AP2A1: variants seen among roughly 807,000 people sequenced by gnomAD.
AP2A1 encodes AP-2 complex subunit alpha-1.
AP2A1 carries 21 observed loss-of-function variants against 107.3 expected under a neutral mutation model. The ratio of observed to expected loss-of-function variants is 0.20; its 90% confidence interval spans 0.14 to 0.28. The LOEUF (loss-of-function observed/expected upper bound fraction) is 0.28. Among genes scored for constraint, AP2A1 ranks in the 10% least tolerant of loss-of-function variants. The pLI, the probability that AP2A1 is intolerant of heterozygous loss-of-function variation, is 1.00. For missense variants in AP2A1, 873 were observed against 1,307.7 expected, an observed-to-expected ratio of 0.67 and a Z score of 5.13; for synonymous variants, 602 against 564.8, an observed-to-expected ratio of 1.07 and a Z score of -0.93.
intron 6 of AP2A1, among the ~76,000 whole-genome samples, chr19:49,794,938 C>T (rs1300056901): frequency 6.6e-6 from 1 of 152,262 alleles, no homozygotes; most frequent in African/African-American, 2.4e-5. Context: ...GCTGGGATTA[C>T]AGGCGTGAGC....
intron 4 of AP2A1, 60 bp downstream of exon 4, chr19:49,782,784 T>C (rs2084693443): frequency 6.6e-7 from 1 of 1,504,304 alleles, no homozygotes; most frequent in Non-Finnish European, 8.9e-7. Context: ...CCCAGCCAAG[T>C]GTGAGGCTCA....
In AP2A1 at chr19:49,806,106, C is replaced by G. The variant is rs2073376422; in HGVS notation, c.2656-13C>G. The G allele has an allele frequency of 6.4e-7, 1 of 1,567,938 alleles. No homozygotes were observed. The highest frequency in any genetic ancestry group is 8.7e-7 in the Non-Finnish European group (1 of 1,155,906). On this transcript the variant is annotated splice_polypyrimidine_tract_variant and intron_variant, in intron 21 of 22. Transcript: ENST00000354293. Reference sequence around the variant, plus strand: ...GCTCTGGCACACTCTGACGGCGCCCCCCCTCCTCCCAGCTTCTGGGGTTTG... The same window carrying G: ...GCTCTGGCACACTCTGACGGCGCCCGCCCTCCTCCCAGCTTCTGGGGTTTG...
Position 49,802,094 on chromosome 19 carries a change from G to T in AP2A1, c.2067G>T (p.Pro689=), listed in dbSNP as rs767411878. The change falls in exon 15 of 23, where the codon CCG becomes CCT. Residue 689 remains proline (P), a synonymous_variant. Coordinates refer to ENST00000354293, the MANE Select transcript of AP2A1 (RefSeq NM_130787.3). ...TTCTGGTGGACGTCTTCGATGGCCC[G>T]GCCGCCCAGCCCAGCCTGGGGCCCA... ...GNLLVDVFDG[P]AAQPSLGPTP... The T allele has an allele frequency of 1.9e-5, 30 of 1,590,204 alleles. No homozygotes were observed. Among genetic ancestry groups the T allele is most frequent in the Middle Eastern group, 1.7e-4 (1 of 6,058 alleles).
At chr19:49,793,694 G>T (rs2073174096) in intron 6 of AP2A1, among the ~76,000 whole-genome samples, 1 of 152,076 alleles carries the variant, frequency 6.6e-6, no homozygotes, top group Admixed American at 6.6e-5. Flanking sequence ...CAGAAAAGGG[G>T]TGACTCGTGC....
At chr19:49,779,344 A>T (rs1195738548) in intron 1 of AP2A1, among the ~76,000 whole-genome samples, 1 of 151,174 alleles carries the variant, frequency 6.6e-6, no homozygotes, top group Non-Finnish European at 1.5e-5. Flanking sequence ...CTCAAAAAAA[A>T]AAAAAAAAAA....
rs755574499 is a variant in AP2A1, at chr19:49,801,995, C to T, written c.1968C>T (p.Pro656=). Residue 656 remains proline, a synonymous_variant, in exon 15 of 23, where the codon CCC becomes CCT. Transcript: ENST00000354293. ...GCTTCCTACAGTCGACGCCCTCGCC[C>T]TCCGCCGACCTCCTGGGGCTGCGGG... is the stretch of plus-strand genomic sequence containing the variant. ...PTPSTVSTPS[P]SADLLGLRAA... 2 of 1,525,474 alleles carry T rather than the reference C, an allele frequency of 1.3e-6. No homozygotes were observed. Among genetic ancestry groups the T allele is most frequent in the Non-Finnish European group, 1.8e-6 (2 of 1,141,356 alleles). 94.5% of individuals were successfully genotyped at this position (1,525,474 alleles called of 1,614,324 possible). A position where few individuals can be genotyped will look rare whatever the true frequency, so the allele number is the denominator to read the frequency against.
chr19:49,783,811 C>T (rs963686856), intron 4 of AP2A1, among the ~76,000 whole-genome samples: 3 of 152,170 alleles, frequency 2.0e-5, no homozygotes, highest in Non-Finnish European at 4.4e-5. Flanking sequence ...TGAGAGTGAC[C>T]TAGAAATAAA....
chr19:49,806,641 C>A, intron 22 of AP2A1, 40 bp from the exon 23 acceptor site: 1 of 1,611,306 alleles, frequency 6.2e-7, no homozygotes, highest in South Asian at 1.1e-5. Flanking sequence ...CCCTGGGCTC[C>A]CCATCTCCTC....
intron 18 of AP2A1, chr19:49,804,877 G>A (rs2241040): frequency 2.6e-5 from 4 of 152,018 alleles, no homozygotes; most frequent in African/African-American, 9.7e-5. Flanking sequence ...CGCCACACCC[G>A]GCTGGATTAT....
At chr19:49,776,608 C>T (rs539949046) in intron 1 of AP2A1, among the ~76,000 whole-genome samples, 1 of 148,452 alleles carries the variant, frequency 6.7e-6, no homozygotes, top group South Asian at 2.1e-4. Context: ...TTGCTTGCCT[C>T]CTGTGACAGT....
chr19:49,787,356 T>G (rs756024351), intron 4 of AP2A1, among the ~76,000 whole-genome samples: 9,509 of 126,500 alleles, frequency 0.075, 717 homozygotes, highest in South Asian at 0.19. Context: ...TGTTTTTTGT[T>G]TTTTTTTTTT....
Position 49,806,667 on chromosome 19 carries a change from A to G in AP2A1, c.2791-14A>G. 1 of 1,611,808 alleles carries G rather than the reference A, an allele frequency of 6.2e-7. No homozygotes were observed. The highest frequency in any genetic ancestry group is 8.5e-7 in the Non-Finnish European group (1 of 1,179,644). ...CCATCTCCTCTGAGTTCTGCCCCCAATGCCCCCACCCAGATGTACCGGCTG... is the reference window on the plus strand; with the variant it reads ...CCATCTCCTCTGAGTTCTGCCCCCAGTGCCCCCACCCAGATGTACCGGCTG... On this transcript the variant is annotated splice_polypyrimidine_tract_variant and intron_variant, in intron 22 of 22. Transcript: ENST00000354293.
At chr19:49,778,665 T>C (rs2084641583) in intron 1 of AP2A1, among the ~76,000 whole-genome samples, 1 of 151,962 alleles carries the variant, frequency 6.6e-6, no homozygotes, top group African/African-American at 2.4e-5. Flanking sequence ...CATCTAAACA[T>C]AGAAAAGGAG....
At chr19:49,795,155 T>TG (rs2123731188) in intron 6 of AP2A1, among the ~76,000 whole-genome samples, 1 of 152,246 alleles carries the variant, frequency 6.6e-6, no homozygotes, top group South Asian at 2.1e-4. Flanking sequence ...GGAGGAAGCC[T>TG]GGGGCATGGG....
At chr19:49,773,256 G>A (rs1400352015) in intron 1 of AP2A1, among the ~76,000 whole-genome samples, 1 of 152,214 alleles carries the variant, frequency 6.6e-6, no homozygotes. Context: ...CAAGGGCTGG[G>A]GCTGCCTCCT....
At chr19:49,775,816 G>A (rs1239643414) in intron 1 of AP2A1, among the ~76,000 whole-genome samples, 2 of 152,192 alleles carry the variant, frequency 1.3e-5, no homozygotes, top group East Asian at 1.9e-4. Context: ...AGGCCTTTGC[G>A]GTGAGATGCT....
chr19:49,781,538 C>T (rs760072639), intron 1 of AP2A1, among the ~76,000 whole-genome samples: 4 of 152,066 alleles, frequency 2.6e-5, no homozygotes, highest in Non-Finnish European at 5.9e-5. Flanking sequence ...CAGGGACAGC[C>T]CAAGGGTGTG....
At chr19:49,800,922 C>G (rs751435480) in intron 11 of AP2A1, 39 bp from the exon 12 acceptor site, 1 of 1,522,540 alleles carries the variant, frequency 6.6e-7, no homozygotes. Flanking sequence ...AGAGGGCGCT[C>G]ATTGTTGTCC....
In AP2A1 at chr19:49,803,316, A is replaced by G; in HGVS notation, c.2284A>G (p.Thr762Ala). 6.2e-7 allele frequency: 1 copy of G among 1,613,744 alleles called. No homozygotes were observed. Among genetic ancestry groups the G allele is most frequent in the Non-Finnish European group, 8.5e-7 (1 of 1,179,836 alleles). ...CATGTATCTCTTCTATGGCAACAAG[A>G]CCTCGGTGCAGTTCCAGAATTTCTC... The part of the protein sequence containing the change: ...GRMYLFYGNK[T>A]SVQFQNFSPT... The change falls in exon 18 of 23, where the codon ACC (threonine) becomes GCC (alanine). Residue 762 changes from threonine to alanine, a missense_variant. By Grantham distance (58) the Thr-to-Ala change is moderately conservative (BLOSUM62 0). Coordinates refer to ENST00000354293, the MANE Select transcript of AP2A1 (RefSeq NM_130787.3).
Sources: gnomAD v4.1 joint callset for allele counts (sites outside exome capture counted in the v4.1 genomes callset) on GRCh38, gnomAD v4.1.1 for gene constraint, MANE v1.5 for transcripts, NCBI Gene and HGNC (gene_info 2026-07-23, HGNC 2026-07-21) for gene names.